The following TSPAN18 variants were observed in gnomAD, a reference collection of about 807,000 sequenced individuals.
TSPAN18 encodes the protein tetraspanin-18.
TSPAN18 carries 14 observed loss-of-function variants against 27.3 expected under a neutral mutation model. The observed-to-expected ratio is 0.51, with a 90% confidence interval of 0.34 to 0.80. TSPAN18 has a LOEUF of 0.80. Among genes scored for constraint, TSPAN18 ranks in the 30% least tolerant of loss-of-function variants. TSPAN18 has a pLI of 0.01. For missense variants in TSPAN18, 268 were observed against 323.9 expected (o/e 0.83, Z 1.32); for synonymous variants, 143 against 136.5 (o/e 1.05, Z -0.33).
At position 44,753,680 on chromosome 11, in the gene TSPAN18, G is replaced by A. The variant is rs541306831; in HGVS notation, c.-239-10746G>A. Among the ~76,000 whole-genome samples, 10 of 152,284 alleles carry A rather than the reference G, an allele frequency of 6.6e-5. No individual in the cohort carries two copies. The South Asian group carries it at 2.1e-3, about 32-fold the overall frequency. ...ATCGTCCCAAGCATCTATTATGTGAGCACATAGTGATCGACTTCAGTGTGG... is the reference window on the plus strand; with the variant it reads ...ATCGTCCCAAGCATCTATTATGTGAACACATAGTGATCGACTTCAGTGTGG... On this transcript the variant is annotated intron_variant, in intron 1 of 9. Coordinates refer to ENST00000520358, the MANE Select transcript of TSPAN18 (RefSeq NM_130783.5).
intron 3 of TSPAN18, among the ~76,000 whole-genome samples, chr11:44,898,924 C>G (rs535761630): frequency 2.0e-5 from 3 of 152,192 alleles, no homozygotes; most frequent in African/African-American, 7.2e-5. Flanking sequence ...TTGTTTTACA[C>G]GAAACAGTTG....
chr11:44,810,801 G>T (rs944639237), intron 2 of TSPAN18, among the ~76,000 whole-genome samples: 2 of 151,716 alleles, frequency 1.3e-5, no homozygotes, highest in Non-Finnish European at 2.9e-5. Context: ...CAGGAAGGGG[G>T]TTTTGCCATG....
At chr11:44,893,667 G>A (rs923522527) in intron 3 of TSPAN18, among the ~76,000 whole-genome samples, 5 of 152,142 alleles carry the variant, frequency 3.3e-5, no homozygotes, top group Admixed American at 3.3e-4. Flanking sequence ...CCCAGCTCTG[G>A]GACCTTTCTA....
At chr11:44,799,431 T>C (rs1319414643) in intron 2 of TSPAN18, among the ~76,000 whole-genome samples, 1 of 152,162 alleles carries the variant, frequency 6.6e-6, no homozygotes, top group Non-Finnish European at 1.5e-5. Flanking sequence ...GCAAGTTCAT[T>C]CTTCACTCAG....
intron 8 of TSPAN18, among the ~76,000 whole-genome samples, chr11:44,925,255 C>G (rs1191969055): frequency 6.6e-6 from 1 of 152,256 alleles, no homozygotes; most frequent in Non-Finnish European, 1.5e-5. Context: ...GGCTCCACAC[C>G]AGACCCACTG....
intron 2 of TSPAN18, among the ~76,000 whole-genome samples, chr11:44,837,278 C>T (rs906851099): frequency 3.3e-5 from 5 of 152,134 alleles, no homozygotes; most frequent in Non-Finnish European, 5.9e-5. Context: ...TGAGTGACTT[C>T]GGGGAGTTCA....
At chr11:44,919,711 C>T in intron 7 of TSPAN18, 106 bp from the exon 8 acceptor site, 2 of 1,172,926 alleles carry the variant, frequency 1.7e-6, no homozygotes, top group Admixed American at 3.8e-5. Flanking sequence ...CCGCCCACAC[C>T]CAGTCTTCTG....
intron 3 of TSPAN18, among the ~76,000 whole-genome samples, chr11:44,884,573 C>G (rs920038625): frequency 6.6e-6 from 1 of 152,220 alleles, no homozygotes; most frequent in Non-Finnish European, 1.5e-5. Context: ...TTGGCTAAAC[C>G]TCACCGGCTC....
At chr11:44,869,297 C>T (rs1408448823) in intron 3 of TSPAN18, among the ~76,000 whole-genome samples, 3 of 152,174 alleles carry the variant, frequency 2.0e-5, no homozygotes, top group Non-Finnish European at 4.4e-5. Flanking sequence ...AAAGTCATTC[C>T]CATGCTGTGC....
intron 7 of TSPAN18, chr11:44,919,552 GATA>G: frequency 1.6e-6 from 1 of 608,178 alleles, no homozygotes; most frequent in Non-Finnish European, 2.9e-6. Context: ...TTATGATGAT[GATA>G]ATAACCACAG....
At chr11:44,790,334 TG>T (rs753724357) in intron 2 of TSPAN18, among the ~76,000 whole-genome samples, 3 of 150,768 alleles carry the variant, frequency 2.0e-5, no homozygotes, top group Admixed American at 6.6e-5. Flanking sequence ...TGTGCACGCA[TG>T]TGTGCATGTG....
intron 3 of TSPAN18, among the ~76,000 whole-genome samples, chr11:44,865,747 G>C (rs938905746): frequency 6.6e-6 from 1 of 152,174 alleles, no homozygotes; most frequent in African/African-American, 2.4e-5. Flanking sequence ...CCTGGTGGCT[G>C]TTGCAGCCAG....
At chr11:44,747,027 C>G (rs952258738) in intron 1 of TSPAN18, among the ~76,000 whole-genome samples, 1 of 152,230 alleles carries the variant, frequency 6.6e-6, no homozygotes, top group Non-Finnish European at 1.5e-5. Flanking sequence ...CCCTGTGTCC[C>G]CAGCCAGCTG....
chr11:44,738,354 C>T (rs1251281693), intron 1 of TSPAN18, among the ~76,000 whole-genome samples: 3 of 152,206 alleles, frequency 2.0e-5, no homozygotes, highest in Non-Finnish European at 4.4e-5. Context: ...CTGGAGCCCA[C>T]CTGGCTGGAG....
chr11:44,798,043 T>G (rs907686882), intron 2 of TSPAN18, among the ~76,000 whole-genome samples: 1 of 152,186 alleles, frequency 6.6e-6, no homozygotes, highest in Non-Finnish European at 1.5e-5. Flanking sequence ...TGCCTTTTTT[T>G]GTTGCTGAGG....
chr11:44,854,221 G>A (rs1042219439), intron 2 of TSPAN18, among the ~76,000 whole-genome samples: 12 of 148,516 alleles, frequency 8.1e-5, no homozygotes, highest in African/African-American at 3.0e-4. Flanking sequence ...GTTTGTGTGC[G>A]TGTGATGTGG....
intron 2 of TSPAN18, among the ~76,000 whole-genome samples, chr11:44,797,564 A>G (rs1292205307): frequency 6.6e-6 from 1 of 152,344 alleles, no homozygotes; most frequent in Non-Finnish European, 1.5e-5. Flanking sequence ...CCTGCCATTA[A>G]TGAAAATGGG....
At chr11:44,922,918 A>G (rs1860197291) in intron 8 of TSPAN18, among the ~76,000 whole-genome samples, 2 of 152,126 alleles carry the variant, frequency 1.3e-5, no homozygotes, top group African/African-American at 2.4e-5. Flanking sequence ...AGACCAGCCC[A>G]GCCAACACGG....
chr11:44,907,757 C>G (rs12287686), intron 4 of TSPAN18, among the ~76,000 whole-genome samples: 15,047 of 152,096 alleles, frequency 0.099, 1,254 homozygotes, highest in African/African-American at 0.22. Context: ...TGCGGGAGAC[C>G]AACGAGAGAG....
Sources: allele counts gnomAD v4.1 joint callset (sites outside exome capture counted in the v4.1 genomes callset), GRCh38; gene constraint gnomAD v4.1.1; transcripts MANE v1.5; gene names NCBI Gene and HGNC (gene_info 2026-07-23, HGNC 2026-07-21).